The following ATP8B4 variants were observed in gnomAD, a reference collection of about 807,000 sequenced individuals.
ATP8B4 encodes probable phospholipid-transporting ATPase IM.
A neutral mutation model predicts 145.6 loss-of-function variants in ATP8B4; 133 were observed. That is an observed-to-expected ratio of 0.91 (90% CI 0.79 to 1.05). The LOEUF (loss-of-function observed/expected upper bound fraction) is 1.05, where lower values mean the gene tolerates loss of function less well. Ranked by LOEUF, ATP8B4 falls within the 50% of genes least tolerant of loss-of-function variation. The pLI, the probability that ATP8B4 is intolerant of heterozygous loss-of-function variation, is 0.00. For missense variants in ATP8B4, 1,458 were observed against 1,425.2 expected (o/e 1.02, Z -0.37); for synonymous variants, 507 against 492.9 (o/e 1.03, Z -0.38).
chr15:50,149,718 T>C (rs879940283), intron 1 of ATP8B4, among the ~76,000 whole-genome samples: 3 of 152,190 alleles, frequency 2.0e-5, no homozygotes, highest in African/African-American at 4.8e-5. Flanking sequence ...GAATAAGGCA[T>C]TGCAGTGGGA....
chr15:49,955,641 A>G (rs1475789552), intron 14 of ATP8B4, among the ~76,000 whole-genome samples: 1 of 152,230 alleles, frequency 6.6e-6, no homozygotes, highest in Non-Finnish European at 1.5e-5. Flanking sequence ...TGAATAGACA[A>G]ACAGATAAGG....
intron 2 of ATP8B4, among the ~76,000 whole-genome samples, chr15:50,086,972 G>T (rs1214483609): frequency 1.0e-5 from 1 of 98,180 alleles, no homozygotes; most frequent in Admixed American, 1.3e-4. Context: ...ATAATATAGA[G>T]ATCTATATTT....
chr15:49,898,181 C>G lies in ATP8B4; in HGVS notation c.2360G>C (p.Cys787Ser). The change falls in exon 22 of 28, where the codon TGC becomes TCC. Residue 787 changes from cysteine (C) to serine (S), a missense_variant. Cys to Ser is a moderately radical substitution (Grantham distance 112). Transcript: ENST00000284509. ...TTTCTGGAGTGGAGTGACCCTGCAG[C>G]AAATTACAGTCTTACACATGCAAGC... ...ELACMCKTVI[C>S]CRVTPLQKAQ... 1 of 1,613,862 alleles carries G rather than the reference C, an allele frequency of 6.2e-7. No homozygotes were observed. Among genetic ancestry groups the G allele is most frequent in the South Asian group, 1.1e-5 (1 of 91,078 alleles).
At chr15:49,874,166 C>T (rs1161585943) in intron 25 of ATP8B4, among the ~76,000 whole-genome samples, 1 of 152,214 alleles carries the variant, frequency 6.6e-6, no homozygotes, top group African/African-American at 2.4e-5. Context: ...GTGAAGGTTA[C>T]ACTCTAGGAG....
chr15:49,978,338 T>C (rs892371037), intron 12 of ATP8B4, among the ~76,000 whole-genome samples: 1 of 152,090 alleles, frequency 6.6e-6, no homozygotes, highest in Non-Finnish European at 1.5e-5. Flanking sequence ...GCCAGTAGGA[T>C]ATAGTTTAAA....
At position 49,916,925 on chromosome 15, in the gene ATP8B4, A is replaced by T. The variant is rs2039798581; in HGVS notation, c.2141+9T>A. On this transcript the variant is annotated intron_variant, in intron 20 of 27. Transcript: ENST00000284509. ...CCTTCCATCCTTTCCTCCTTCCTTCAACACCTACCTGAGTTCTTCTCTCAC... is the reference window on the plus strand; with the variant it reads ...CCTTCCATCCTTTCCTCCTTCCTTCTACACCTACCTGAGTTCTTCTCTCAC... 6.2e-7 allele frequency: 1 copy of T among 1,606,766 alleles called. No individual in the cohort carries two copies. The highest frequency in any genetic ancestry group is 2.2e-5 in the East Asian group (1 of 44,826).
At chr15:49,884,462 A>G (rs1379294201) in intron 23 of ATP8B4, among the ~76,000 whole-genome samples, 2 of 151,898 alleles carry the variant, frequency 1.3e-5, no homozygotes, top group African/African-American at 4.8e-5. Context: ...TTGGCTGGTC[A>G]TGATGGTGTG....
chr15:49,869,747 G>T (rs1368032005), intron 25 of ATP8B4, among the ~76,000 whole-genome samples: 1 of 152,146 alleles, frequency 6.6e-6, no homozygotes, highest in African/African-American at 2.4e-5. Context: ...CCCGTCCCCA[G>T]GGTGATGACA....
chr15:50,081,970 G>A (rs1242891692), intron 2 of ATP8B4, among the ~76,000 whole-genome samples: 3 of 152,190 alleles, frequency 2.0e-5, no homozygotes, highest in Admixed American at 1.3e-4. Flanking sequence ...GACTGGTACT[G>A]ATCCAAAAGC....
chr15:50,031,635 A>G (rs1053543107), intron 6 of ATP8B4, among the ~76,000 whole-genome samples: 2 of 151,980 alleles, frequency 1.3e-5, no homozygotes, highest in African/African-American at 4.8e-5. Flanking sequence ...AGTAATTCAC[A>G]CTTACCCAAG....
intron 12 of ATP8B4, among the ~76,000 whole-genome samples, chr15:49,976,137 C>G (rs920497092): frequency 6.6e-6 from 1 of 152,032 alleles, no homozygotes; most frequent in Non-Finnish European, 1.5e-5. Flanking sequence ...TTTTTTCTCC[C>G]TGAAATTACA....
chr15:49,861,199 G>A (rs2031641360), intron 27 of ATP8B4, among the ~76,000 whole-genome samples: 2 of 152,054 alleles, frequency 1.3e-5, no homozygotes, highest in South Asian at 4.1e-4. Flanking sequence ...AAACCATCAA[G>A]CAGAACATCA....
chr15:49,997,940 A>T (rs982615432), intron 8 of ATP8B4, among the ~76,000 whole-genome samples: 2 of 152,162 alleles, frequency 1.3e-5, no homozygotes, highest in African/African-American at 4.8e-5. Context: ...TAGATGAAGC[A>T]GAAATTGAGC....
At chr15:50,122,304 A>T (rs1424784727), upstream of ATP8B4, among the ~76,000 whole-genome samples, 1 of 152,198 alleles carries the variant, frequency 6.6e-6, no homozygotes, top group East Asian at 1.9e-4. Flanking sequence ...AGAAAAGATG[A>T]ACAAAATATG....
intron 6 of ATP8B4, chr15:50,018,879 T>G: frequency 1.7e-6 from 2 of 1,173,824 alleles, no homozygotes; most frequent in Non-Finnish European, 2.3e-6. Context: ...TCGACCATTA[T>G]GTCACTTACA....
At chr15:49,940,246 C>A (rs761448077) in intron 14 of ATP8B4, among the ~76,000 whole-genome samples, 3 of 152,100 alleles carry the variant, frequency 2.0e-5, no homozygotes, top group Non-Finnish European at 4.4e-5. Flanking sequence ...CCCTTTGTAG[C>A]CACATGGATG....
chr15:49,961,945 A>T (rs2153508320), intron 14 of ATP8B4, 32 bp downstream of exon 14: 2 of 1,544,570 alleles, frequency 1.3e-6, no homozygotes, highest in Non-Finnish European at 1.8e-6. Context: ...TTTGAAATTA[A>T]AACTAAGAAT....
intron 7 of ATP8B4, among the ~76,000 whole-genome samples, chr15:50,006,836 G>T (rs1363400867): frequency 6.6e-6 from 1 of 152,168 alleles, no homozygotes; most frequent in Non-Finnish European, 1.5e-5. Flanking sequence ...TAAGAAAAGT[G>T]AAACAACACA....
chr15:50,093,100 A>T (rs1050085186), intron 2 of ATP8B4, among the ~76,000 whole-genome samples: 1 of 152,084 alleles, frequency 6.6e-6, no homozygotes, highest in Non-Finnish European at 1.5e-5. Context: ...TTCTCCACCC[A>T]GTGGAAATAT....
Sources: gnomAD v4.1 joint callset for allele counts (sites outside exome capture counted in the v4.1 genomes callset) on GRCh38, gnomAD v4.1.1 for gene constraint, MANE v1.5 for transcripts, NCBI Gene and HGNC (gene_info 2026-07-23, HGNC 2026-07-21) for gene names.